TMEM132B: variants seen among roughly 807,000 people sequenced by gnomAD.
TMEM132B encodes the protein transmembrane protein 132B.
A neutral mutation model predicts 90.8 loss-of-function variants in TMEM132B; 18 were observed. The observed-to-expected ratio is 0.20, with a 90% CI of 0.14 to 0.29. TMEM132B has a LOEUF of 0.29. Among genes scored for constraint, TMEM132B ranks in the 10% least tolerant of loss-of-function variants. The probability of loss-of-function intolerance (pLI) is 1.00; values close to 1 mark genes in which losing one functional copy is unlikely to be tolerated. For synonymous variants in TMEM132B, 504 were observed against 523.3 expected, an observed-to-expected ratio of 0.96 and a Z score of 0.50; for missense variants, 1,096 against 1,326.8, an observed-to-expected ratio of 0.83 and a Z score of 2.70.
intron 2 of TMEM132B, among the ~76,000 whole-genome samples, chr12:125,390,460 G>A (rs1220101974): frequency 2.0e-5 from 3 of 152,176 alleles, no homozygotes; most frequent in Admixed American, 6.5e-5. Flanking sequence ...TTAAAAATAC[G>A]TCTACAAATT....
chr12:125,264,189 G>GTTT (rs1229362418), intron 1 of TMEM132B, among the ~76,000 whole-genome samples: 1 of 152,044 alleles, frequency 6.6e-6, no homozygotes, highest in Non-Finnish European at 1.5e-5. Context: ...TGTCTCCATC[G>GTTT]TCACATCGCT....
At chr12:125,589,503 A>G (rs1027139277) in intron 5 of TMEM132B, among the ~76,000 whole-genome samples, 2 of 151,358 alleles carry the variant, frequency 1.3e-5, no homozygotes, top group East Asian at 2.0e-4. Flanking sequence ...AAAAAAAAAA[A>G]AAAGAAATAC....
At chr12:125,594,421 A>G (rs534625101) in intron 5 of TMEM132B, among the ~76,000 whole-genome samples, 11 of 152,310 alleles carry the variant, frequency 7.2e-5, no homozygotes, top group African/African-American at 2.4e-4. Context: ...GTTGTATCAT[A>G]TTAAGTGTAT....
intron 1 of TMEM132B, among the ~76,000 whole-genome samples, chr12:125,327,035 C>T (rs1167875254): frequency 1.3e-5 from 2 of 152,092 alleles, no homozygotes; most frequent in Admixed American, 1.3e-4. Context: ...TCTCTGCAGG[C>T]TTGCCCCCTG....
chr12:125,628,375 G>T (rs976494976), intron 5 of TMEM132B, among the ~76,000 whole-genome samples: 4 of 152,070 alleles, frequency 2.6e-5, no homozygotes, highest in African/African-American at 9.7e-5. Flanking sequence ...TTGTGGTTTT[G>T]ATTTGCATTT....
intron 4 of TMEM132B, among the ~76,000 whole-genome samples, chr12:125,523,092 C>T (rs905369877): frequency 4.6e-5 from 7 of 152,158 alleles, no homozygotes; most frequent in Non-Finnish European, 7.4e-5. Flanking sequence ...AATGGTTATG[C>T]CTACCATCAG....
intron 4 of TMEM132B, among the ~76,000 whole-genome samples, chr12:125,577,316 G>A (rs973626749): frequency 1.3e-5 from 2 of 151,146 alleles, no homozygotes; most frequent in Non-Finnish European, 3.0e-5. Context: ...GTAAGACTGA[G>A]CCCCTTTTTA....
At chr12:125,439,326 T>C (rs1432392436) in intron 3 of TMEM132B, among the ~76,000 whole-genome samples, 1 of 152,252 alleles carries the variant, frequency 6.6e-6, no homozygotes, top group Non-Finnish European at 1.5e-5. Flanking sequence ...CCTTTGTTTG[T>C]GTCAGCTCTG....
At chr12:125,566,951 C>T in intron 4 of TMEM132B, among the ~76,000 whole-genome samples, 1 of 149,314 alleles carries the variant, frequency 6.7e-6, no homozygotes, top group Non-Finnish European at 1.5e-5. Context: ...TCAAGCAATT[C>T]TCCTGCCTCA....
intron 1 of TMEM132B, among the ~76,000 whole-genome samples, chr12:125,192,218 A>G (rs1476542115): frequency 6.6e-6 from 1 of 152,196 alleles, no homozygotes; most frequent in Non-Finnish European, 1.5e-5. Flanking sequence ...CAGATACGCA[A>G]ACTGAGGCCC....
chr12:125,474,746 G>A (rs1881825138), intron 3 of TMEM132B, among the ~76,000 whole-genome samples: 1 of 152,232 alleles, frequency 6.6e-6, no homozygotes, highest in Admixed American at 6.5e-5. Flanking sequence ...TTTAGGCACA[G>A]CTGGATCCAG....
intron 2 of TMEM132B, among the ~76,000 whole-genome samples, chr12:125,394,019 AG>A (rs1402285047): frequency 6.6e-6 from 1 of 152,214 alleles, no homozygotes; most frequent in African/African-American, 2.4e-5. Context: ...AGAAAAGTCT[AG>A]ACAATGGATC....
chr12:125,187,360 C>T (rs868161434), intron 1 of TMEM132B, among the ~76,000 whole-genome samples: 5 of 152,336 alleles, frequency 3.3e-5, no homozygotes, highest in Admixed American at 6.5e-5. Context: ...GTCCGCAGCC[C>T]CTCCCCACGC....
chr12:125,418,420 A>G (rs1437481174), intron 3 of TMEM132B, among the ~76,000 whole-genome samples: 1 of 152,110 alleles, frequency 6.6e-6, no homozygotes, highest in Non-Finnish European at 1.5e-5. Flanking sequence ...GGGCCCTAAG[A>G]AGGGCAGGGA....
At chr12:125,425,565 C>T (rs139161381) in intron 3 of TMEM132B, among the ~76,000 whole-genome samples, 1,690 of 152,260 alleles carry the variant, frequency 0.011, 30 homozygotes, top group African/African-American at 0.037. Context: ...CAGGATAGCT[C>T]CACTACCCTA....
intron 1 of TMEM132B, among the ~76,000 whole-genome samples, chr12:125,320,735 C>G (rs1876406852): frequency 6.6e-6 from 1 of 152,164 alleles, no homozygotes; most frequent in Admixed American, 6.5e-5. Flanking sequence ...CACCACGCAC[C>G]ATAGGGACAA....
intron 1 of TMEM132B, among the ~76,000 whole-genome samples, chr12:125,302,691 C>A (rs1875862974): frequency 1.3e-5 from 2 of 152,238 alleles, no homozygotes; most frequent in East Asian, 3.9e-4. Flanking sequence ...TAAAATTTGC[C>A]ACTTTAACCA....
At chr12:125,454,374 C>T (rs1388514759) in intron 3 of TMEM132B, among the ~76,000 whole-genome samples, 1 of 138,238 alleles carries the variant, frequency 7.2e-6, no homozygotes, top group East Asian at 2.1e-4. Flanking sequence ...CTACAGCCAG[C>T]CGTGTGTGTG....
chr12:125,472,657 C>G (rs997518614), intron 3 of TMEM132B, among the ~76,000 whole-genome samples: 8 of 152,050 alleles, frequency 5.3e-5, no homozygotes, highest in African/African-American at 1.9e-4. Context: ...ATAATGAGGG[C>G]CCCACCCTCA....
Sources: gnomAD v4.1 joint callset for allele counts (sites outside exome capture counted in the v4.1 genomes callset) on GRCh38, gnomAD v4.1.1 for gene constraint, MANE v1.5 for transcripts, NCBI Gene and HGNC (gene_info 2026-07-23, HGNC 2026-07-21) for gene names.